PDE3A: variants seen among roughly 807,000 people sequenced by gnomAD.
PDE3A encodes phosphodiesterase 3A.
PDE3A carries 43 observed loss-of-function variants against 98.3 expected under a neutral mutation model. The ratio of observed to expected loss-of-function variants is 0.44; its 90% CI spans 0.34 to 0.56. The LOEUF (loss-of-function observed/expected upper bound fraction) is 0.56, where lower values mean the gene tolerates loss of function less well. PDE3A is among the 20% of genes least tolerant of loss of function. The pLI, the probability that PDE3A is intolerant of heterozygous loss-of-function variation, is 0.01. For synonymous variants in PDE3A, 663 were observed against 567.9 expected (o/e 1.17, Z -2.38); for missense variants, 1,427 against 1,440.7 (o/e 0.99, Z 0.15).
intron 1 of PDE3A, among the ~76,000 whole-genome samples, chr12:20,507,530 C>T (rs184427369): frequency 2.0e-5 from 3 of 152,150 alleles, no homozygotes; most frequent in Admixed American, 2.0e-4. Flanking sequence ...CTGAATTCCA[C>T]ACTCATATAT....
Position 20,369,810 on chromosome 12 carries a change from A to G in PDE3A, c.526A>G (p.Ile176Val). ...ACCGGEALVQ[I>V]GLGVGEDHLL... is the part of the protein sequence containing the mutation. Reference sequence around the variant, plus strand: ...CTGCGGGGGGGAAGCGCTCGTCCAGATTGGGCTGGGCGTCGGGGAGGATCA... The same window carrying G: ...CTGCGGGGGGGAAGCGCTCGTCCAGGTTGGGCTGGGCGTCGGGGAGGATCA... The change falls in exon 1 of 16, where the codon ATT (isoleucine) becomes GTT (valine). Residue 176 changes from isoleucine (I) to valine (V), a missense_variant. By Grantham distance (29) the Ile-to-Val change is conservative. Coordinates refer to ENST00000359062, the MANE Select transcript of PDE3A (RefSeq NM_000921.5). 3 of 1,612,020 alleles carry G rather than the reference A, an allele frequency of 1.9e-6. No individual in the cohort carries two copies. Among genetic ancestry groups the G allele is most frequent in the Non-Finnish European group, 2.5e-6 (3 of 1,179,508 alleles).
chr12:20,521,137 T>G (rs1242114280), intron 1 of PDE3A, among the ~76,000 whole-genome samples: 6 of 688 alleles, frequency 8.7e-3, no homozygotes, highest in Non-Finnish European at 0.022. Context: ...CCTGGAGTGT[T>G]TTTTTTTTTT....
chr12:20,680,352 A>G lies in PDE3A; in HGVS notation c.*81A>G, dbSNP rs1314192037. 3 of 1,401,744 alleles carry G rather than the reference A, an allele frequency of 2.1e-6. No individual in the cohort carries two copies. The highest frequency in any genetic ancestry group is 2.9e-6 in the Non-Finnish European group (3 of 1,027,964). 86.8% of individuals were successfully genotyped at this position (1,401,744 alleles called of 1,614,324 possible). A position where few individuals can be genotyped will look rare whatever the true frequency, so the allele number is the denominator to read the frequency against. On this transcript the variant is annotated 3_prime_UTR_variant, in exon 16 of 16. Transcript: ENST00000359062. ...CAAGCCAGCACAACATTTAGACACA[A>G]CACTGTAGAAATTTGAGATGGGCAA...
chr12:20,484,353 G>A (rs985574631), intron 1 of PDE3A, among the ~76,000 whole-genome samples: 2 of 152,056 alleles, frequency 1.3e-5, no homozygotes, highest in Non-Finnish European at 2.9e-5. Flanking sequence ...TATTTTAACT[G>A]TTGCTTATTA....
At chr12:20,580,162 A>C (rs112333574) in intron 2 of PDE3A, among the ~76,000 whole-genome samples, 3 of 152,172 alleles carry the variant, frequency 2.0e-5, no homozygotes, top group African/African-American at 7.2e-5. Flanking sequence ...TAGATTAATC[A>C]TGTAACAAGC....
intron 2 of PDE3A, among the ~76,000 whole-genome samples, chr12:20,587,614 T>C (rs533596110): frequency 6.6e-6 from 1 of 152,320 alleles, no homozygotes; most frequent in Admixed American, 6.5e-5. Flanking sequence ...AATAGCTTAA[T>C]AGGTATATCA....
chr12:20,562,782 T>C (rs1417181458), intron 2 of PDE3A, among the ~76,000 whole-genome samples: 1 of 152,182 alleles, frequency 6.6e-6, no homozygotes, highest in Non-Finnish European at 1.5e-5. Context: ...TAAAAGTACT[T>C]ACAAGAAACA....
intron 5 of PDE3A, among the ~76,000 whole-genome samples, chr12:20,622,619 C>T (rs1473493213): frequency 1.3e-5 from 2 of 152,076 alleles, no homozygotes; most frequent in Admixed American, 6.6e-5. Context: ...GCAATGTAGG[C>T]TAATGTAGGC....
At chr12:20,629,712 A>G (rs565751013) in intron 5 of PDE3A, among the ~76,000 whole-genome samples, 196 bp from the exon 6 acceptor site, 23 of 152,086 alleles carry the variant, frequency 1.5e-4, no homozygotes, top group Non-Finnish European at 2.2e-4. Flanking sequence ...ATGATGATTC[A>G]TTCCTCCCAT....
At position 20,533,897 on chromosome 12, in the gene PDE3A, T is replaced by C. The variant is rs536250969; in HGVS notation, c.961-22763T>C. ...TCTTAGCCTGCCTTTCAAAATTACA[T>C]TCAGATTTTTCCACCATTTTCTTTT... On this transcript the variant is annotated intron_variant, in intron 1 of 15. Coordinates refer to ENST00000359062, the MANE Select transcript of PDE3A (RefSeq NM_000921.5). Among the ~76,000 whole-genome samples the C allele has an allele frequency of 1.4e-4, 21 of 152,290 alleles. No homozygotes were observed. In the South Asian group the frequency reaches 1.9e-3, roughly 14 times the overall value.
chr12:20,683,423 A>G lies in PDE3A; in HGVS notation c.*3152A>G, dbSNP rs1159163966. 2.0e-5 allele frequency: 3 copies of G among 152,194 alleles called. No individual in the cohort carries two copies. In the East Asian group the frequency reaches 5.8e-4, roughly 29 times the overall value. 9.4% of individuals were successfully genotyped at this position (152,194 alleles called of 1,614,324 possible). A position where few individuals can be genotyped will look rare whatever the true frequency, so the allele number is the denominator to read the frequency against. On this transcript the variant is annotated 3_prime_UTR_variant, in exon 16 of 16. Coordinates refer to ENST00000359062, the MANE Select transcript of PDE3A (RefSeq NM_000921.5). Reference sequence around the variant, plus strand: ...CTTAGGGAAAAAGATAATTGTTTAGAAAACCATAAAATCAATGGTAGGAAA... The same window carrying G: ...CTTAGGGAAAAAGATAATTGTTTAGGAAACCATAAAATCAATGGTAGGAAA...
intron 13 of PDE3A, among the ~76,000 whole-genome samples, chr12:20,649,256 A>G (rs1315207521): frequency 6.6e-6 from 1 of 152,074 alleles, no homozygotes; most frequent in East Asian, 1.9e-4. Context: ...TTATAGACAC[A>G]TTGAAAGATA....
At chr12:20,379,807 T>A (rs1943631510) in intron 1 of PDE3A, among the ~76,000 whole-genome samples, 1 of 151,734 alleles carries the variant, frequency 6.6e-6, no homozygotes, top group Non-Finnish European at 1.5e-5. Context: ...CTTAAATATT[T>A]TCTTGCATAT....
At chr12:20,370,931 C>T (rs1943461919) in intron 1 of PDE3A, among the ~76,000 whole-genome samples, 1 of 152,186 alleles carries the variant, frequency 6.6e-6, no homozygotes, top group Non-Finnish European at 1.5e-5. Context: ...TATGTCTGAA[C>T]TTTGGAATTG....
In PDE3A at chr12:20,467,603, C is replaced by T. The variant is rs79733933; in HGVS notation, c.961-89057C>T. Among the ~76,000 whole-genome samples the T allele has an allele frequency of 4.7e-3, 721 of 152,068 alleles. 6 individuals carry two copies. The highest frequency in any genetic ancestry group is 0.016 in the African/African-American group (682 of 41,490). On this transcript the variant is annotated intron_variant, in intron 1 of 15. Coordinates refer to ENST00000359062, the MANE Select transcript of PDE3A (RefSeq NM_000921.5). ...AACTTCTTCCACATTTTAAAGATAT[C>T]TACTTTATTCTGAATATTTGAAGTA...
chr12:20,664,240 C>T (rs866990527), intron 15 of PDE3A, among the ~76,000 whole-genome samples: 7 of 152,042 alleles, frequency 4.6e-5, no homozygotes, highest in South Asian at 2.1e-4. Flanking sequence ...TTTATAGCAG[C>T]ATGAGAATGG....
intron 15 of PDE3A, among the ~76,000 whole-genome samples, chr12:20,666,319 T>C (rs902191015): frequency 1.3e-5 from 2 of 152,204 alleles, no homozygotes; most frequent in African/African-American, 4.8e-5. Flanking sequence ...TTTTAAAGTA[T>C]GCAATACATT....
Position 20,684,751 on chromosome 12 carries a change from T to C in PDE3A, c.*4480T>C, listed in dbSNP as rs1211215195. Among the ~76,000 whole-genome samples the C allele has an allele frequency of 1.3e-5, 2 of 152,250 alleles. No individual in the cohort carries two copies. The highest frequency in any genetic ancestry group is 2.9e-5 in the Non-Finnish European group (2 of 68,040). On this transcript the variant is annotated 3_prime_UTR_variant, in exon 16 of 16. Transcript: ENST00000359062. The stretch of plus-strand genomic sequence containing the variant: ...ATTAAATTGTTCTTTTTAAGAAATA[T>C]ATCAGTTTTAGGTCCTATGTTCACA...
At chr12:20,629,018 G>A (rs956890848) in intron 5 of PDE3A, among the ~76,000 whole-genome samples, 3 of 152,138 alleles carry the variant, frequency 2.0e-5, no homozygotes, top group Non-Finnish European at 4.4e-5. Context: ...CATTTCATTT[G>A]CCCTACATTA....
Sources: gnomAD v4.1 joint callset for allele counts (sites outside exome capture counted in the v4.1 genomes callset) on GRCh38, gnomAD v4.1.1 for gene constraint, MANE v1.5 for transcripts, NCBI Gene and HGNC (gene_info 2026-07-23, HGNC 2026-07-21) for gene names.